Variants in CEP170 observed in about 807,000 individuals in gnomAD.
CEP170 encodes the protein centrosomal protein of 170 kDa.
A neutral mutation model predicts 151.9 loss-of-function variants in CEP170; 21 were observed. The observed-to-expected ratio is 0.14, with a 90% confidence interval of 0.10 to 0.20. CEP170 has a LOEUF of 0.20. Among genes scored for constraint, CEP170 ranks in the 10% least tolerant of loss-of-function variants. The probability of loss-of-function intolerance (pLI) is 1.00; values close to 1 mark genes in which losing one functional copy is unlikely to be tolerated. For synonymous variants in CEP170, 356 were observed against 648.8 expected, an observed-to-expected ratio of 0.55 and a Z score of 6.86; for missense variants, 964 against 1,892.9, an observed-to-expected ratio of 0.51 and a Z score of 9.11.
At chr1:243,138,582 T>G (rs1313650594) in intron 16 of CEP170, among the ~76,000 whole-genome samples, 1 of 151,488 alleles carries the variant, frequency 6.6e-6, no homozygotes, top group Non-Finnish European at 1.5e-5. Context: ...ATACCACCTC[T>G]GTGTGTTGTT....
At chr1:243,196,441 AAT>A (rs1183075868) in intron 7 of CEP170, among the ~76,000 whole-genome samples, 1 of 152,108 alleles carries the variant, frequency 6.6e-6, no homozygotes, top group Non-Finnish European at 1.5e-5. Context: ...CACTCAGAAG[AAT>A]GTTGGATAAA....
At chr1:243,220,767 A>T (rs1484377140) in intron 3 of CEP170, among the ~76,000 whole-genome samples, 4 of 152,218 alleles carry the variant, frequency 2.6e-5, no homozygotes, top group African/African-American at 7.2e-5. Flanking sequence ...AAATAAAAGA[A>T]ATAATTCAAT....
At chr1:243,152,520 C>CTTTTTTTTTT (rs1558429307) in intron 14 of CEP170, among the ~76,000 whole-genome samples, 1 of 63,488 alleles carries the variant, frequency 1.6e-5, no homozygotes. Flanking sequence ...CGCGCCCAGC[C>CTTTTTTTTTT]ATTTTTTTTT....
intron 14 of CEP170, among the ~76,000 whole-genome samples, chr1:243,147,223 T>C (rs2148371662): frequency 6.6e-6 from 1 of 152,370 alleles, no homozygotes; most frequent in Non-Finnish European, 1.5e-5. Flanking sequence ...TTGTAAATAC[T>C]TGTAACTACA....
intron 3 of CEP170, among the ~76,000 whole-genome samples, chr1:243,217,282 A>G (rs187260683): frequency 7.7e-4 from 118 of 152,348 alleles, no homozygotes; most frequent in African/African-American, 2.7e-3. Flanking sequence ...TTAATTTACT[A>G]ATGTCTGGTA....
At chr1:243,233,762 A>T (rs1216914290) in intron 1 of CEP170, among the ~76,000 whole-genome samples, 59 of 145,970 alleles carry the variant, frequency 4.0e-4, no homozygotes, top group African/African-American at 1.1e-3. Flanking sequence ...ATATATATAT[A>T]TATATTTTAA....
intron 3 of CEP170, among the ~76,000 whole-genome samples, chr1:243,214,584 C>G (rs190539046): frequency 1.2e-4 from 18 of 152,014 alleles, no homozygotes; most frequent in African/African-American, 4.3e-4. Context: ...CTGCGCCCAG[C>G]CAAAATTTTT....
chr1:243,228,033 T>G (rs114754402), intron 1 of CEP170, among the ~76,000 whole-genome samples: 14 of 152,326 alleles, frequency 9.2e-5, no homozygotes, highest in Middle Eastern at 3.4e-3. Context: ...TGCACTCAAG[T>G]TCTTTCTTAT....
chr1:243,128,341 TA>T, intron 18 of CEP170, 41 bp from the exon 19 acceptor site: 1 of 1,530,458 alleles, frequency 6.5e-7, no homozygotes, highest in Non-Finnish European at 8.8e-7. Context: ...TACTTTTAGC[TA>T]AATGTTATCA....
chr1:243,232,572 G>A (rs1186222078), intron 1 of CEP170, among the ~76,000 whole-genome samples: 1 of 152,144 alleles, frequency 6.6e-6, no homozygotes, highest in Non-Finnish European at 1.5e-5. Context: ...ACCTCAAGTT[G>A]ATGAGCTCTT....
intron 16 of CEP170, 66 bp downstream of exon 16, chr1:243,139,871 T>C (rs545559978): frequency 6.5e-7 from 1 of 1,536,174 alleles, no homozygotes; most frequent in Admixed American, 2.0e-5. Context: ...CACTGAATGG[T>C]TCCTCCTTTT....
chr1:243,138,799 T>C (rs1384213477), intron 16 of CEP170, among the ~76,000 whole-genome samples: 1 of 152,126 alleles, frequency 6.6e-6, no homozygotes, highest in African/African-American at 2.4e-5. Flanking sequence ...CTACTGTCAA[T>C]GGGAAAGGGT....
intron 14 of CEP170, among the ~76,000 whole-genome samples, chr1:243,144,952 A>G (rs2056292593): frequency 6.6e-6 from 1 of 152,172 alleles, no homozygotes; most frequent in Non-Finnish European, 1.5e-5. Context: ...ATAAGTATGC[A>G]TTACTTAAGA....
chr1:243,178,292 G>C (rs986071654), intron 10 of CEP170, among the ~76,000 whole-genome samples: 1 of 113,544 alleles, frequency 8.8e-6, no homozygotes, highest in Non-Finnish European at 1.6e-5. Flanking sequence ...CTGGGCAACA[G>C]AGCGAGACTC....
chr1:243,183,455 T>C (rs2059758223), intron 10 of CEP170, among the ~76,000 whole-genome samples: 2 of 152,134 alleles, frequency 1.3e-5, no homozygotes, highest in African/African-American at 4.8e-5. Context: ...CCTCCCAAAG[T>C]GCTTTTTCTG....
chr1:243,195,584 A>G (rs1399980451), intron 7 of CEP170, among the ~76,000 whole-genome samples: 5 of 152,062 alleles, frequency 3.3e-5, no homozygotes, highest in Non-Finnish European at 5.9e-5. Flanking sequence ...CTAAAAATTA[A>G]TAACGAAGAA....
rs562178785 is a variant in CEP170 at position 243,139,086 on chromosome 1, C to T, written c.4230+851G>A. Among the ~76,000 whole-genome samples the T allele has an allele frequency of 2.0e-5, 3 of 151,922 alleles. No homozygotes were observed. The East Asian group carries it at 5.8e-4, about 29-fold the overall frequency. Reference sequence around the variant, plus strand: ...TAAACTTCTCTTCATGTTTTGTAGGCCTTAAGTATTTTCTTTTTCTTTTTT... The same window carrying T: ...TAAACTTCTCTTCATGTTTTGTAGGTCTTAAGTATTTTCTTTTTCTTTTTT... On this transcript the variant is annotated intron_variant, in intron 16 of 19. Transcript: ENST00000366542.
At chr1:243,150,545 G>C (rs748965879) in intron 14 of CEP170, among the ~76,000 whole-genome samples, 2 of 152,194 alleles carry the variant, frequency 1.3e-5, no homozygotes, top group Non-Finnish European at 2.9e-5. Context: ...TAATAAATAA[G>C]TTTGGACGGA....
At chr1:243,201,396 T>C (rs1005677520) in intron 4 of CEP170, among the ~76,000 whole-genome samples, 1 of 152,142 alleles carries the variant, frequency 6.6e-6, no homozygotes, top group African/African-American at 2.4e-5. Flanking sequence ...TATCAAACAA[T>C]GGATACTATA....
Sources: gnomAD v4.1 joint callset for allele counts (sites outside exome capture counted in the v4.1 genomes callset) on GRCh38, gnomAD v4.1.1 for gene constraint, MANE v1.5 for transcripts, NCBI Gene and HGNC (gene_info 2026-07-23, HGNC 2026-07-21) for gene names.